PHKB: variants seen among roughly 807,000 people sequenced by gnomAD.
The protein encoded by PHKB is phosphorylase b kinase regulatory subunit beta.
A neutral mutation model predicts 152.1 loss-of-function variants in PHKB; 122 were observed. That is an observed-to-expected ratio of 0.80 (90% CI 0.69 to 0.93). PHKB has a LOEUF of 0.93. PHKB is among the 40% of genes least tolerant of loss of function. The probability of loss-of-function intolerance (pLI) is 0.00; values close to 1 mark genes in which losing one functional copy is unlikely to be tolerated. For synonymous variants in PHKB, 436 were observed against 464.9 expected (o/e 0.94, Z 0.80); for missense variants, 1,304 against 1,328.4 (o/e 0.98, Z 0.29).
At chr16:47,480,488 C>T (rs900160709) in intron 1 of PHKB, among the ~76,000 whole-genome samples, 5 of 151,840 alleles carry the variant, frequency 3.3e-5, no homozygotes, top group East Asian at 1.9e-4. Context: ...ATGGAATGAC[C>T]GTAAAAATAG....
At position 47,503,108 on chromosome 16, in the gene PHKB, G is replaced by A. The variant is rs757115374; in HGVS notation, c.405+18G>A. The A allele has an allele frequency of 7.0e-7, 1 of 1,421,786 alleles. No individual in the cohort carries two copies. The highest frequency in any genetic ancestry group is 1.0e-6 in the Non-Finnish European group (1 of 1,004,910). The allele number at this position is 1,421,786 out of a possible 1,614,324, so 88.1% of individuals were successfully genotyped here. On this transcript the variant is annotated intron_variant, in intron 4 of 30. Transcript: ENST00000323584. ...CCGATAAGGTAAAACATTGTGGTGT[G>A]GACGGGAATTCTCCCATCATTCTGA...
intron 5 of PHKB, among the ~76,000 whole-genome samples, chr16:47,513,814 T>G (rs553778447): frequency 6.6e-6 from 1 of 152,238 alleles, no homozygotes; most frequent in Non-Finnish European, 1.5e-5. Context: ...CACTGCCTTT[T>G]TAAAAATTTA....
chr16:47,541,580 C>T (rs1460869194), intron 6 of PHKB, among the ~76,000 whole-genome samples: 1 of 152,220 alleles, frequency 6.6e-6, no homozygotes, highest in Non-Finnish European at 1.5e-5. Context: ...ACACTGTCTT[C>T]CACAATGGTT....
At chr16:47,670,207 C>G (rs1490092627) in intron 26 of PHKB, among the ~76,000 whole-genome samples, 1 of 152,068 alleles carries the variant, frequency 6.6e-6, no homozygotes, top group African/African-American at 2.4e-5. Context: ...TGTAAAAGAG[C>G]CCAATGATAT....
intron 14 of PHKB, 30 bp from the exon 15 acceptor site, chr16:47,641,005 G>A: frequency 6.3e-7 from 1 of 1,595,268 alleles, no homozygotes; most frequent in African/African-American, 1.3e-5. Context: ...CTTTTAAAAT[G>A]TTTTCCCCCT....
chr16:47,556,680 AT>A (rs1971376419), intron 7 of PHKB, among the ~76,000 whole-genome samples: 1 of 152,204 alleles, frequency 6.6e-6, no homozygotes, highest in Non-Finnish European at 1.5e-5. Flanking sequence ...CCAGTATTTC[AT>A]TGAGGATTTT....
intron 13 of PHKB, among the ~76,000 whole-genome samples, chr16:47,600,618 C>T (rs1028715229): frequency 3.9e-5 from 6 of 152,180 alleles, no homozygotes; most frequent in East Asian, 1.9e-4. Context: ...TTTTAGCCTA[C>T]GACGTACCTA....
At position 47,544,375 on chromosome 16, in the gene PHKB, A is replaced by G. The variant is rs147117550; in HGVS notation, c.595-3058A>G. On this transcript the variant is annotated intron_variant, in intron 6 of 30. Coordinates refer to ENST00000323584, the MANE Select transcript of PHKB (RefSeq NM_000293.3). ...GTAGTCATTCAGGAGCAGGTTCTTC[A>G]GTTTCCATGTAGTTGTGCGGTTTTG... Among the ~76,000 whole-genome samples, 107 of 152,258 alleles carry G rather than the reference A, an allele frequency of 7.0e-4. 1 individual carries two copies. The East Asian group carries it at 0.013, about 18-fold the overall frequency.
intron 7 of PHKB, among the ~76,000 whole-genome samples, chr16:47,568,887 A>C (rs768190904): frequency 2.0e-5 from 3 of 152,300 alleles, no homozygotes; most frequent in South Asian, 2.1e-4. Flanking sequence ...CTAAGAAGAT[A>C]CTTGGTATGA....
chr16:47,549,931 A>G (rs1158603364), intron 7 of PHKB, among the ~76,000 whole-genome samples: 3 of 152,150 alleles, frequency 2.0e-5, no homozygotes, highest in Non-Finnish European at 4.4e-5. Context: ...TGCAAAATTA[A>G]TCTTTTTGTA....
chr16:47,565,522 G>T, intron 7 of PHKB: 2 of 1,273,510 alleles, frequency 1.6e-6, no homozygotes, highest in Non-Finnish European at 2.3e-6. Flanking sequence ...ATCAGGTTTG[G>T]GAGTTTTAGA....
intron 6 of PHKB, among the ~76,000 whole-genome samples, chr16:47,543,402 G>T (rs1377792958): frequency 6.6e-6 from 1 of 152,104 alleles, no homozygotes; most frequent in Non-Finnish European, 1.5e-5. Flanking sequence ...ATTCAATTTG[G>T]CAGTATTTTA....
intron 16 of PHKB, among the ~76,000 whole-genome samples, chr16:47,646,846 C>T (rs1265609215): frequency 1.3e-5 from 2 of 151,740 alleles, no homozygotes; most frequent in Admixed American, 6.6e-5. Flanking sequence ...TAATAACACA[C>T]TGTCCAAAGA....
intron 26 of PHKB, among the ~76,000 whole-genome samples, chr16:47,678,649 C>T (rs918524143): frequency 1.3e-5 from 2 of 151,588 alleles, no homozygotes; most frequent in African/African-American, 4.8e-5. Context: ...TGTTTGAGTT[C>T]ATTGTAGATT....
chr16:47,655,243 G>A (rs1257817986), intron 20 of PHKB, among the ~76,000 whole-genome samples: 1 of 152,016 alleles, frequency 6.6e-6, no homozygotes, highest in African/African-American at 2.4e-5. Flanking sequence ...ATATACTTTG[G>A]GAAAAATTAA....
rs763413596 is a variant in PHKB at position 47,547,389 on chromosome 16, CTG to C, written c.595-42_595-41del. 3.3e-4 allele frequency: 404 copies of C among 1,217,340 alleles called. 1 individual carries two copies. Among genetic ancestry groups the C allele is most frequent in the Non-Finnish European group, 4.8e-4 (397 of 823,402 alleles). 75.4% of individuals were successfully genotyped at this position (1,217,340 alleles called of 1,614,324 possible). ...TGAGCCACCACACCCGGCCTATGTCCTGTTATTGAGTATGTCCTTATGTTTCA... is the reference window on the plus strand; with the variant it reads ...TGAGCCACCACACCCGGCCTATGTCCTTATTGAGTATGTCCTTATGTTTCA... On this transcript the variant is annotated intron_variant, in intron 6 of 30. Transcript: ENST00000323584.
chr16:47,513,318 C>T (rs1193116778), intron 5 of PHKB, among the ~76,000 whole-genome samples: 1 of 152,180 alleles, frequency 6.6e-6, no homozygotes, highest in African/African-American at 2.4e-5. Flanking sequence ...TCATTTTTGA[C>T]AGGCTTGTGT....
chr16:47,660,794 C>G lies in PHKB; in HGVS notation c.2171C>G (p.Thr724Ser). The G allele has an allele frequency of 6.2e-7, 1 of 1,613,996 alleles. No homozygotes were observed. Among genetic ancestry groups the G allele is most frequent in the South Asian group, 1.1e-5 (1 of 91,080 alleles). Reference protein sequence around the residue: ...VNISEWKDKPTHEILQKLNDC... With the variant: ...VNISEWKDKPSHEILQKLNDC... Reference sequence around the variant, plus strand: ...ATTAGTGAATGGAAGGACAAACCCACCCACGAAATTCTTCAAAAACTGAAT... The same window carrying G: ...ATTAGTGAATGGAAGGACAAACCCAGCCACGAAATTCTTCAAAAACTGAAT... The change falls in exon 22 of 31, where the codon ACC (threonine) becomes AGC (serine). Residue 724 changes from threonine (T) to serine (S), a missense_variant. Transcript: ENST00000323584.
At chr16:47,601,862 A>G (rs1972233327) in intron 13 of PHKB, among the ~76,000 whole-genome samples, 1 of 152,224 alleles carries the variant, frequency 6.6e-6, no homozygotes, top group African/African-American at 2.4e-5. Context: ...TACATATTGT[A>G]TAATTTAAGG....
Sources: gnomAD v4.1 joint callset for allele counts (sites outside exome capture counted in the v4.1 genomes callset) on GRCh38, gnomAD v4.1.1 for gene constraint, MANE v1.5 for transcripts, NCBI Gene and HGNC (gene_info 2026-07-23, HGNC 2026-07-21) for gene names.